Variants in KDM1B observed in about 807,000 individuals in gnomAD.
The protein encoded by KDM1B is lysine demethylase 1B, also known as lysine-specific histone demethylase 2.
A neutral mutation model predicts 107.4 loss-of-function variants in KDM1B; 63 were observed. That is an observed-to-expected ratio of 0.59 (90% CI 0.48 to 0.72). The LOEUF is 0.72. KDM1B is among the 30% of genes least tolerant of loss of function. KDM1B has a pLI of 0.00. For missense variants in KDM1B, 749 were observed against 1,020.8 expected, an observed-to-expected ratio of 0.73 and a Z score of 3.63; for synonymous variants, 363 against 363.9, an observed-to-expected ratio of 1.00 and a Z score of 0.03.
intron 9 of KDM1B, among the ~76,000 whole-genome samples, chr6:18,189,271 T>G (rs1393615633): frequency 6.6e-6 from 1 of 152,092 alleles, no homozygotes; most frequent in Non-Finnish European, 1.5e-5. Flanking sequence ...CACTGGAATA[T>G]AGATGTGGTG....
chr6:18,178,742 A>G (rs1317556826), intron 7 of KDM1B, among the ~76,000 whole-genome samples: 1 of 152,216 alleles, frequency 6.6e-6, no homozygotes, highest in African/African-American at 2.4e-5. Flanking sequence ...TTGCAACTAT[A>G]TAGAAACACA....
At chr6:18,180,845 C>A (rs1265773264) in intron 7 of KDM1B, among the ~76,000 whole-genome samples, 1 of 152,168 alleles carries the variant, frequency 6.6e-6, no homozygotes, top group Admixed American at 6.5e-5. Flanking sequence ...GGATTACAGG[C>A]GTGAGCCACT....
At chr6:18,178,884 CCTCTT>C (rs1299504621) in intron 7 of KDM1B, among the ~76,000 whole-genome samples, 2 of 152,164 alleles carry the variant, frequency 1.3e-5, no homozygotes, top group Non-Finnish European at 2.9e-5. Context: ...TGTCTACAAA[CCTCTT>C]CTCAGTCTTT....
Position 18,221,896 on chromosome 6 carries a change from TTA to T in KDM1B, c.2386-11_2386-10del, listed in dbSNP as rs752549443. 40 of 1,586,882 alleles carry T rather than the reference TTA, an allele frequency of 2.5e-5. No individual in the cohort carries two copies. In the South Asian group the frequency reaches 4.3e-4, roughly 17 times the overall value. On this transcript the variant is annotated splice_polypyrimidine_tract_variant and intron_variant, in intron 21 of 21. Transcript: ENST00000650836. ...CTATGCATGATCTCAAATTATGTAATTATGTTTTACAGGCAACAAACAGGCAT... is the reference window on the plus strand; with the variant it reads ...CTATGCATGATCTCAAATTATGTAATTGTTTTACAGGCAACAAACAGGCAT...
Position 18,197,201 on chromosome 6 carries a change from G to C in KDM1B, c.1114G>C (p.Asp372His). ...CACTGGAGTTCTCAGCGTGGGAGCC[G>C]ACCAGTATCTTCTCCCTAAGGACTA... ...INTGVLSVGADQYLLPKDYHN... is the reference protein window; with the variant it reads ...INTGVLSVGAHQYLLPKDYHN... The change falls in exon 11 of 22, where the codon GAC becomes CAC. Residue 372 changes from aspartate to histidine, a missense_variant. By Grantham distance (81) the Asp-to-His change is moderately conservative. Transcript: ENST00000650836. The surrounding 1 kb of genome is among the most constrained non-coding windows in gnomAD (Gnocchi z 4.5). 7.4e-6 allele frequency: 12 copies of C among 1,613,990 alleles called. No individual in the cohort carries two copies. The highest frequency in any genetic ancestry group is 1.0e-5 in the Non-Finnish European group (12 of 1,179,960).
chr6:18,213,432 G>A lies in KDM1B; in HGVS notation c.1984-224G>A, dbSNP rs1208808066. Reference sequence around the variant, plus strand: ...AGCTGGGCAACAAGAGCGAAACTCCGTCTCAAAAAAAAAAAAAACCCAAAA... The same window carrying A: ...AGCTGGGCAACAAGAGCGAAACTCCATCTCAAAAAAAAAAAAAACCCAAAA... On this transcript the variant is annotated intron_variant, in intron 18 of 21. Transcript: ENST00000650836. The surrounding 1 kb of genome is among the most constrained non-coding windows in gnomAD (Gnocchi z 5.9). Among the ~76,000 whole-genome samples, 34 of 145,898 alleles carry A rather than the reference G, an allele frequency of 2.3e-4. No homozygotes were observed. The highest frequency in any genetic ancestry group is 3.2e-3 in the Middle Eastern group (1 of 308).
chr6:18,220,921 A>G (rs1789664801), intron 21 of KDM1B, among the ~76,000 whole-genome samples: 1 of 149,068 alleles, frequency 6.7e-6, no homozygotes, highest in Non-Finnish European at 1.5e-5. Flanking sequence ...CTAATTTTTT[A>G]TTTTTTTTTA....
At chr6:18,195,704 C>T (rs1380354163) in intron 10 of KDM1B, among the ~76,000 whole-genome samples, 3 of 132,926 alleles carry the variant, frequency 2.3e-5, no homozygotes, top group Non-Finnish European at 3.1e-5. Context: ...CACTGCACTC[C>T]AGCCTGGTGA....
At chr6:18,194,157 G>A (rs1218393049) in intron 10 of KDM1B, among the ~76,000 whole-genome samples, 5 of 151,724 alleles carry the variant, frequency 3.3e-5, no homozygotes, top group East Asian at 1.9e-4. Flanking sequence ...GATTACAGGC[G>A]TGCACTACCA....
At chr6:18,157,847 CTG>C (rs936040570) in intron 2 of KDM1B, among the ~76,000 whole-genome samples, 1 of 134,504 alleles carries the variant, frequency 7.4e-6, no homozygotes. Context: ...GAGTCTCACT[CTG>C]TTGCCGAGGC....
Position 18,159,945 on chromosome 6 carries a change from C to T in KDM1B, c.50C>T (p.Ser17Phe). ...RTKKKASFDH[S>F]PDSLPLRSSG... ...AAGAAAAAAGCATCTTTTGATCATTCTCCGGATAGCCTTCCTTTGAGGAGC... is the reference window on the plus strand; with the variant it reads ...AAGAAAAAAGCATCTTTTGATCATTTTCCGGATAGCCTTCCTTTGAGGAGC... Residue 17 changes from serine (S) to phenylalanine (F), a missense_variant, in exon 3 of 22, where the codon TCT becomes TTT. Transcript: ENST00000650836. The surrounding 1 kb of genome is among the most constrained non-coding windows in gnomAD (Gnocchi z 4.5). 1 of 1,610,008 alleles carries T rather than the reference C, an allele frequency of 6.2e-7. No individual in the cohort carries two copies. The highest frequency in any genetic ancestry group is 8.5e-7 in the Non-Finnish European group (1 of 1,178,610).
intron 7 of KDM1B, among the ~76,000 whole-genome samples, chr6:18,183,462 G>A (rs557458247): frequency 4.0e-5 from 6 of 151,718 alleles, no homozygotes; most frequent in East Asian, 3.9e-4. Context: ...GTTTCATCAC[G>A]TTGGCCAGGC....
intron 10 of KDM1B, among the ~76,000 whole-genome samples, chr6:18,192,503 G>A (rs564680565): frequency 2.8e-4 from 43 of 152,238 alleles, no homozygotes; most frequent in African/African-American, 1.0e-3. Context: ...AGGTGAGTAG[G>A]CTGTGCGAGG....
chr6:18,193,305 T>TC (rs1787415178), intron 10 of KDM1B, among the ~76,000 whole-genome samples: 1 of 143,888 alleles, frequency 6.9e-6, no homozygotes, highest in African/African-American at 2.6e-5. Context: ...TTTCTTTTTT[T>TC]TTTTTTTTTT....
At position 18,205,057 on chromosome 6, in the gene KDM1B, T is replaced by G. The variant is rs139641832; in HGVS notation, c.1532-480T>G. ...CAAGCCCATAATGGAATATTCTTGT[T>G]TGGGACAGACTGTAGCCAATAGGTT... is the stretch of plus-strand genomic sequence containing the variant. On this transcript the variant is annotated intron_variant, in intron 14 of 21. Transcript: ENST00000650836. The surrounding 1 kb of genome is among the most constrained non-coding windows in gnomAD (Gnocchi z 5.7). Among the ~76,000 whole-genome samples, 255 of 152,248 alleles carry G rather than the reference T, an allele frequency of 1.7e-3. No individual in the cohort carries two copies. Among genetic ancestry groups the G allele is most frequent in the African/African-American group, 6.0e-3 (248 of 41,544 alleles).
At chr6:18,182,484 T>A (rs1251322997) in intron 7 of KDM1B, among the ~76,000 whole-genome samples, 1 of 152,196 alleles carries the variant, frequency 6.6e-6, no homozygotes, top group Non-Finnish European at 1.5e-5. Context: ...TTAATATGTC[T>A]TAAAAGATGT....
intron 6 of KDM1B, among the ~76,000 whole-genome samples, chr6:18,169,986 T>G (rs1159555558): frequency 1.6e-5 from 1 of 61,336 alleles, no homozygotes; most frequent in East Asian, 4.8e-4. Flanking sequence ...CTCAGCTCAC[T>G]GCAACCTCCA....
intron 20 of KDM1B, among the ~76,000 whole-genome samples, chr6:18,217,008 G>T (rs1373898707): frequency 1.3e-5 from 2 of 152,142 alleles, no homozygotes; most frequent in Non-Finnish European, 2.9e-5. Flanking sequence ...TCACTGTTTT[G>T]TGGAGAACCC....
intron 8 of KDM1B, among the ~76,000 whole-genome samples, chr6:18,187,021 A>G (rs1387803835): frequency 1.5e-5 from 2 of 134,876 alleles, no homozygotes; most frequent in Non-Finnish European, 3.1e-5. Context: ...AGGCTCCAGA[A>G]TAGACATTTT....
Sources: allele counts gnomAD v4.1 joint callset (sites outside exome capture counted in the v4.1 genomes callset), GRCh38; gene constraint gnomAD v4.1.1; non-coding constraint Gnocchi (gnomAD v3.1); transcripts MANE v1.5; gene names NCBI Gene and HGNC (gene_info 2026-07-23, HGNC 2026-07-21).